FHIT: variants seen among roughly 807,000 people sequenced by gnomAD.
The protein encoded by FHIT is fragile histidine triad diadenosine triphosphatase.
Under a neutral mutation model 17.9 loss-of-function variants are expected in FHIT, and 19 were observed. The ratio of observed to expected loss-of-function variants is 1.06; its 90% confidence interval spans 0.74 to 1.56. The LOEUF is 1.56. FHIT is among the 40% of genes most tolerant of loss of function. The pLI is 0.00. For synonymous variants in FHIT, 81 were observed against 69.7 expected, an observed-to-expected ratio of 1.16 and a Z score of -0.81; for missense variants, 248 against 189.2, an observed-to-expected ratio of 1.31 and a Z score of -1.82.
intron 2 of FHIT, among the ~76,000 whole-genome samples, chr3:61,073,890 T>C (rs1349369372): frequency 6.6e-6 from 1 of 152,066 alleles, no homozygotes; most frequent in Non-Finnish European, 1.5e-5. Flanking sequence ...CAGCTCTTCA[T>C]TACCTCCTTG....
intron 5 of FHIT, among the ~76,000 whole-genome samples, chr3:60,126,088 A>T (rs1705535480): frequency 6.6e-6 from 1 of 152,120 alleles, no homozygotes; most frequent in South Asian, 2.1e-4. Flanking sequence ...AAATGAGAGG[A>T]AAAACAAGAA....
At chr3:61,057,629 A>C (rs1279870448) in intron 2 of FHIT, among the ~76,000 whole-genome samples, 3 of 152,220 alleles carry the variant, frequency 2.0e-5, no homozygotes, top group Admixed American at 6.5e-5. Flanking sequence ...ATGTTGGTTA[A>C]TTCTCCTTCA....
At chr3:61,190,924 C>T (rs1022580849) in intron 2 of FHIT, among the ~76,000 whole-genome samples, 1 of 102,400 alleles carries the variant, frequency 9.8e-6, no homozygotes, top group Admixed American at 1.3e-4. Context: ...CCCACTGGGG[C>T]TTGTTGTGGG....
intron 1 of FHIT, among the ~76,000 whole-genome samples, chr3:61,244,560 TCTCTGA>T (rs780289782): frequency 6.6e-6 from 1 of 152,128 alleles, no homozygotes; most frequent in Non-Finnish European, 1.5e-5. Flanking sequence ...CAGAGGTCAC[TCTCTGA>T]CCTTCCTTCT....
chr3:60,524,399 T>C (rs1237646568), intron 5 of FHIT, among the ~76,000 whole-genome samples: 2 of 152,140 alleles, frequency 1.3e-5, no homozygotes, highest in Non-Finnish European at 2.9e-5. Flanking sequence ...ATAGCATATG[T>C]ACATCTGGGG....
At chr3:60,934,035 AC>A (rs1487007451) in intron 3 of FHIT, among the ~76,000 whole-genome samples, 2 of 152,190 alleles carry the variant, frequency 1.3e-5, no homozygotes, top group Non-Finnish European at 2.9e-5. Flanking sequence ...AATAGTGATG[AC>A]AAGCCTTAAT....
intron 4 of FHIT, among the ~76,000 whole-genome samples, chr3:60,606,862 T>A (rs2038624830): frequency 6.6e-6 from 1 of 152,192 alleles, no homozygotes; most frequent in Non-Finnish European, 1.5e-5. Flanking sequence ...GCATCTTGAT[T>A]CTGTTAACTC....
chr3:60,507,411 C>A (rs1284595980), intron 5 of FHIT, among the ~76,000 whole-genome samples: 2 of 152,082 alleles, frequency 1.3e-5, no homozygotes, highest in Non-Finnish European at 2.9e-5. Flanking sequence ...CTTTAAAGGC[C>A]ATGTTTTAAA....
At position 60,382,414 on chromosome 3, in the gene FHIT, T is replaced by C. The variant is rs968379519; in HGVS notation, c.103+154446A>G. Among the ~76,000 whole-genome samples, 9 of 152,362 alleles carry C rather than the reference T, an allele frequency of 5.9e-5. No homozygotes were observed. The East Asian group carries it at 1.7e-3, about 29-fold the overall frequency. ...TGAGCGAAGTGTTTTTCTTCAGGCA[T>C]ACAGAGTTAAATAAAGTCCTGAATA... On this transcript the variant is annotated intron_variant, in intron 5 of 9. Transcript: ENST00000492590.
chr3:61,221,402 A>C (rs1560090506), intron 1 of FHIT, among the ~76,000 whole-genome samples: 1 of 152,246 alleles, frequency 6.6e-6, no homozygotes, highest in Non-Finnish European at 1.5e-5. Context: ...TTGCAGATGC[A>C]ATATTAAAAC....
intron 5 of FHIT, among the ~76,000 whole-genome samples, chr3:60,291,607 G>A (rs1327533750): frequency 6.6e-6 from 1 of 151,992 alleles, no homozygotes; most frequent in Non-Finnish European, 1.5e-5. Context: ...CTCTTTGGTA[G>A]GAAAAAAATA....
At chr3:60,271,260 A>C (rs1294247365) in intron 5 of FHIT, among the ~76,000 whole-genome samples, 2 of 151,698 alleles carry the variant, frequency 1.3e-5, no homozygotes, top group Non-Finnish European at 2.9e-5. Context: ...AAAATTAGCC[A>C]GGCATGGTGG....
chr3:60,795,417 T>A (rs1553729942), intron 4 of FHIT, among the ~76,000 whole-genome samples: 1 of 152,206 alleles, frequency 6.6e-6, no homozygotes, highest in East Asian at 1.9e-4. Flanking sequence ...AATACATTCC[T>A]TGAAGATTTT....
rs555698118 is a variant in FHIT, at chr3:60,935,172, G to C, written c.-111+106875C>G. Among the ~76,000 whole-genome samples, 7 of 152,272 alleles carry C rather than the reference G, an allele frequency of 4.6e-5. No homozygotes were observed. The East Asian group carries it at 1.4e-3, about 29-fold the overall frequency. ...TGTCAGAAAAATTGGAGTAGTGAAA[G>C]AACCATTACAGTTATTGTCAAATAG... On this transcript the variant is annotated intron_variant, in intron 3 of 9. Coordinates refer to ENST00000492590, the MANE Select transcript of FHIT (RefSeq NM_002012.4).
chr3:60,107,923 C>A (rs1704497272), intron 5 of FHIT, among the ~76,000 whole-genome samples: 1 of 152,198 alleles, frequency 6.6e-6, no homozygotes, highest in Non-Finnish European at 1.5e-5. Flanking sequence ...GAGGCATTAT[C>A]TGTTTGACCA....
At chr3:61,114,669 T>G (rs1336310406) in intron 2 of FHIT, among the ~76,000 whole-genome samples, 4 of 152,146 alleles carry the variant, frequency 2.6e-5, no homozygotes, top group Non-Finnish European at 5.9e-5. Context: ...AACCTGGAAA[T>G]ATGACCTTTG....
At chr3:61,015,254 C>T (rs17064309) in intron 3 of FHIT, among the ~76,000 whole-genome samples, 1 of 152,080 alleles carries the variant, frequency 6.6e-6, no homozygotes, top group Non-Finnish European at 1.5e-5. Flanking sequence ...TTAAGAAAAC[C>T]TTCTGCAGAT....
intron 5 of FHIT, among the ~76,000 whole-genome samples, chr3:60,195,573 A>AT (rs1329216902): frequency 3.9e-5 from 4 of 103,452 alleles, no homozygotes; most frequent in South Asian, 6.5e-4. Flanking sequence ...ATATTTATAT[A>AT]ATTATATTTA....
At chr3:60,487,035 C>G (rs1209634340) in intron 5 of FHIT, among the ~76,000 whole-genome samples, 1 of 152,166 alleles carries the variant, frequency 6.6e-6, no homozygotes, top group African/African-American at 2.4e-5. Flanking sequence ...TACATAAGAA[C>G]TAATATTTGT....
Sources: gnomAD v4.1 joint callset for allele counts (sites outside exome capture counted in the v4.1 genomes callset) on GRCh38, gnomAD v4.1.1 for gene constraint, MANE v1.5 for transcripts, NCBI Gene and HGNC (gene_info 2026-07-23, HGNC 2026-07-21) for gene names.